Variants in ZC3H12B observed in about 807,000 individuals in gnomAD.
ZC3H12B encodes zinc finger CCCH-type containing 12B.
A neutral mutation model predicts 43.9 loss-of-function variants in ZC3H12B; 7 were observed. The observed-to-expected ratio is 0.16, with a 90% CI of 0.09 to 0.30. The LOEUF (loss-of-function observed/expected upper bound fraction) is 0.30. Among genes scored for constraint, ZC3H12B ranks in the 10% least tolerant of loss-of-function variants. The pLI is 1.00. For missense variants in ZC3H12B, 475 were observed against 670.2 expected (o/e 0.71, Z 3.22); for synonymous variants, 222 against 241.7 (o/e 0.92, Z 0.76).
At chrX:65,389,209 G>A (rs1182621034) in intron 2 of ZC3H12B, among the ~76,000 whole-genome samples, 5 of 112,310 alleles carry the variant, frequency 4.5e-5, no homozygotes, top group South Asian at 3.7e-4. Context: ...GCTGCCTTTT[G>A]TTTGGCTATG....
intron 2 of ZC3H12B, among the ~76,000 whole-genome samples, chrX:65,380,569 G>C (rs901778294): frequency 2.7e-5 from 3 of 110,912 alleles, no homozygotes; most frequent in African/African-American, 6.6e-5. Context: ...AAATAACCAG[G>C]TAACATCATA....
At chrX:65,453,845 C>T (rs1466101546) in intron 3 of ZC3H12B, among the ~76,000 whole-genome samples, 3 of 111,761 alleles carry the variant, frequency 2.7e-5, no homozygotes, top group Non-Finnish European at 5.6e-5. Flanking sequence ...TGTTCTCACT[C>T]ATAAGTGGGA....
chrX:65,292,087 A>T, the ZC3H12B span, among the ~76,000 whole-genome samples: 1 of 112,019 alleles, frequency 8.9e-6, no homozygotes, highest in African/African-American at 3.2e-5. Flanking sequence ...TGAAGACTTT[A>T]AAAGTTCTAT....
At chrX:65,436,721 G>T (rs192634018) in intron 3 of ZC3H12B, among the ~76,000 whole-genome samples, 23 of 111,234 alleles carry the variant, frequency 2.1e-4, no homozygotes, top group Admixed American at 1.7e-3. Flanking sequence ...CATAGTAGGT[G>T]TATATATTTA....
chrX:65,448,008 G>A (rs1198758704), intron 3 of ZC3H12B, among the ~76,000 whole-genome samples: 1 of 111,159 alleles, frequency 9.0e-6, no homozygotes, highest in Admixed American at 9.6e-5. Context: ...TGAGGCAGGT[G>A]GATCACGAGG....
the ZC3H12B span, among the ~76,000 whole-genome samples, chrX:65,235,148 T>C: frequency 2.7e-5 from 3 of 112,024 alleles, no homozygotes; most frequent in Non-Finnish European, 3.8e-5. Flanking sequence ...AGTGCTGCAA[T>C]GAACATATGC....
the ZC3H12B span, among the ~76,000 whole-genome samples, chrX:65,169,245 A>C: frequency 9.0e-6 from 1 of 111,644 alleles, no homozygotes; most frequent in African/African-American, 3.3e-5. Context: ...CTTTGTACTC[A>C]TTGGTTTCAA....
chrX:65,157,806 G>T, the ZC3H12B span, among the ~76,000 whole-genome samples: 3 of 106,386 alleles, frequency 2.8e-5, no homozygotes, highest in African/African-American at 1.0e-4. Context: ...AATTTTAGGG[G>T]ACATGTGCAC....
intron 3 of ZC3H12B, among the ~76,000 whole-genome samples, chrX:65,475,457 A>G (rs961137137): frequency 1.8e-5 from 2 of 109,056 alleles, no homozygotes; most frequent in African/African-American, 6.7e-5. Context: ...TTTTTCTTTC[A>G]GGACTTTGAA....
At chrX:65,477,082 C>A (rs1276765299) in intron 3 of ZC3H12B, among the ~76,000 whole-genome samples, 1 of 106,943 alleles carries the variant, frequency 9.4e-6, no homozygotes, top group Non-Finnish European at 1.9e-5. Flanking sequence ...GACCTGCCAG[C>A]TTCAGACTCC....
At chrX:65,488,282 T>C (rs1211419907), upstream of ZC3H12B, among the ~76,000 whole-genome samples, 2 of 109,877 alleles carry the variant, frequency 1.8e-5, no homozygotes, top group Non-Finnish European at 3.8e-5. Context: ...TGGAAATATA[T>C]GTATGTATAT....
At chrX:65,385,598 A>T (rs990829792) in intron 2 of ZC3H12B, among the ~76,000 whole-genome samples, 4 of 111,905 alleles carry the variant, frequency 3.6e-5, no homozygotes, top group African/African-American at 1.3e-4. Flanking sequence ...GCAAACAGGG[A>T]CAATTTGACT....
At chrX:65,270,869 C>T in the ZC3H12B span, 1 of 111,266 alleles carries the variant, frequency 9.0e-6, no homozygotes, top group East Asian at 2.8e-4. Context: ...CCAAGTTTGT[C>T]AGGCCTCAGA....
At chrX:65,159,117 G>A in the ZC3H12B span, among the ~76,000 whole-genome samples, 36 of 111,706 alleles carry the variant, frequency 3.2e-4, no homozygotes, top group African/African-American at 5.9e-4. Context: ...TCTCTGTTCT[G>A]TTCCATTGGT....
chrX:65,043,777 TAAGAA>T, the ZC3H12B span, among the ~76,000 whole-genome samples: 3 of 111,688 alleles, frequency 2.7e-5, no homozygotes, highest in Non-Finnish European at 3.8e-5. Context: ...TTAAAAGACA[TAAGAA>T]AAGAAAATAT....
chrX:65,485,222 A>AT (rs2068109540), upstream of ZC3H12B, among the ~76,000 whole-genome samples: 3 of 111,762 alleles, frequency 2.7e-5, no homozygotes, highest in Admixed American at 2.8e-4. Context: ...TCATTTGTGG[A>AT]TTTTTTCAAT....
the ZC3H12B span, among the ~76,000 whole-genome samples, chrX:65,073,822 G>A: frequency 5.7e-4 from 64 of 111,747 alleles, no homozygotes; most frequent in Middle Eastern, 4.6e-3. Flanking sequence ...CAGAGTTGTT[G>A]GAGGCCAAGA....
chrX:65,388,868 C>T (rs1349167661), intron 2 of ZC3H12B, among the ~76,000 whole-genome samples: 1 of 112,184 alleles, frequency 8.9e-6, no homozygotes, highest in African/African-American at 3.2e-5. Context: ...ACAGGACCCT[C>T]AGCTGCAGGT....
chrX:65,273,810 G>GAA, the ZC3H12B span, among the ~76,000 whole-genome samples: 1 of 111,477 alleles, frequency 9.0e-6, no homozygotes, highest in African/African-American at 3.3e-5. Context: ...ATACTGAAAG[G>GAA]AAAAAAAACT....
Sources: allele counts gnomAD v4.1 joint callset (sites outside exome capture counted in the v4.1 genomes callset), GRCh38; gene constraint gnomAD v4.1.1; transcripts MANE v1.5; gene names NCBI Gene and HGNC (gene_info 2026-07-23, HGNC 2026-07-21).